Variants in TANC1 observed in about 807,000 individuals in gnomAD.
The protein encoded by TANC1 is tetratricopeptide repeat, ankyrin repeat and coiled-coil containing 1, also known as protein TANC1.
TANC1 carries 77 observed loss-of-function variants against 149.7 expected under a neutral mutation model. That is an observed-to-expected ratio of 0.51 (90% CI 0.43 to 0.62). The LOEUF (loss-of-function observed/expected upper bound fraction) is 0.62. Ranked by LOEUF, TANC1 falls within the 20% of genes least tolerant of loss-of-function variation. The pLI is 0.00. For missense variants in TANC1, 1,985 were observed against 2,321.8 expected (o/e 0.85, Z 2.98); for synonymous variants, 854 against 925.0 (o/e 0.92, Z 1.39).
In TANC1 at chr2:159,194,290, G is replaced by A. The variant is rs774995611; in HGVS notation, c.2776G>A (p.Val926Met). ...TCTCCTGATTTTGGGAGGGGCCAAC[G>A]TGAACTACAGGACAGAAGTGTTAAA... ...SRLLILGGAN[V>M]NYRTEVLNNA... Residue 926 changes from valine (V) to methionine (M), a missense_variant, in exon 17 of 27, where the codon GTG becomes ATG. Physicochemically the swap from Val to Met is conservative, Grantham distance 21. Transcript: ENST00000263635. 6.2e-6 allele frequency: 10 copies of A among 1,614,026 alleles called. No individual in the cohort carries two copies. The highest frequency in any genetic ancestry group is 6.8e-6 in the Non-Finnish European group (8 of 1,179,960).
rs1437737601 is a variant in TANC1 at position 159,170,817 on chromosome 2, TTTAA to T, written c.1351+16_1351+19del. 4 of 1,609,780 alleles carry T rather than the reference TTTAA, an allele frequency of 2.5e-6. No individual in the cohort carries two copies. The highest frequency in any genetic ancestry group is 3.4e-6 in the Non-Finnish European group (4 of 1,176,278). ...TTCATCACCTAAAAGTACGTGCATG[TTTAA>T]TTACTTGTCTAGTTTATTAACATAA... is the stretch of plus-strand genomic sequence containing the variant. On this transcript the variant is annotated intron_variant, in intron 10 of 26. Coordinates refer to ENST00000263635, the MANE Select transcript of TANC1 (RefSeq NM_033394.3).
intron 3 of TANC1, among the ~76,000 whole-genome samples, chr2:159,088,841 A>G (rs988225025): frequency 7.9e-5 from 12 of 152,200 alleles, no homozygotes; most frequent in African/African-American, 2.9e-4. Flanking sequence ...AAGGGTCTGG[A>G]GGCCAGGCCA....
intron 2 of TANC1, among the ~76,000 whole-genome samples, chr2:159,050,672 G>T (rs2041400127): frequency 6.6e-6 from 1 of 152,206 alleles, no homozygotes; most frequent in African/African-American, 2.4e-5. Context: ...CCCACCTGGT[G>T]GTTGTGAGGA....
intron 4 of TANC1, among the ~76,000 whole-genome samples, chr2:159,101,519 T>G (rs901210456): frequency 7.0e-5 from 8 of 114,516 alleles, no homozygotes; most frequent in African/African-American, 2.1e-4. Context: ...ATTTATTTGG[T>G]TTTTTTTTTC....
chr2:159,036,121 G>A (rs2040171089), intron 2 of TANC1, among the ~76,000 whole-genome samples: 1 of 152,144 alleles, frequency 6.6e-6, no homozygotes, highest in African/African-American at 2.4e-5. Context: ...TGAAGGACAT[G>A]CAGCAGCTGG....
intron 3 of TANC1, among the ~76,000 whole-genome samples, chr2:159,071,594 A>T (rs540620828): frequency 6.6e-6 from 1 of 152,294 alleles, no homozygotes; most frequent in South Asian, 2.1e-4. Context: ...TTTAAAAGCC[A>T]TTGATGTGAT....
intron 3 of TANC1, among the ~76,000 whole-genome samples, chr2:159,085,909 T>C (rs1335846408): frequency 1.3e-5 from 2 of 152,240 alleles, no homozygotes; most frequent in African/African-American, 4.8e-5. Context: ...GTACTCAATG[T>C]AAATCCTGTC....
intron 2 of TANC1, among the ~76,000 whole-genome samples, chr2:159,060,722 C>T (rs1020465130): frequency 1.3e-5 from 2 of 152,080 alleles, no homozygotes; most frequent in African/African-American, 4.8e-5. Flanking sequence ...CTCTCAGATT[C>T]GACTTGAAAT....
intron 22 of TANC1, among the ~76,000 whole-genome samples, chr2:159,223,087 G>T (rs2059802613): frequency 6.6e-6 from 1 of 152,090 alleles, no homozygotes; most frequent in Non-Finnish European, 1.5e-5. Flanking sequence ...TGTATTTTTA[G>T]TAGAGATGGG....
intron 2 of TANC1, chr2:159,027,171 C>T (rs2039417766): frequency 6.6e-6 from 1 of 152,156 alleles, no homozygotes; most frequent in Admixed American, 6.5e-5. Context: ...GGCCAGGCTG[C>T]AGAGTTTTGA....
intron 22 of TANC1, 88 bp downstream of exon 22, chr2:159,219,955 T>C (rs1248559881): frequency 6.2e-6 from 8 of 1,281,076 alleles, no homozygotes; most frequent in Non-Finnish European, 8.7e-6. Context: ...CTGCATGAGG[T>C]TGTGTCTCAG....
chr2:158,973,025 C>G (rs1027050270), intron 1 of TANC1, among the ~76,000 whole-genome samples: 1 of 152,114 alleles, frequency 6.6e-6, no homozygotes, highest in Non-Finnish European at 1.5e-5. Flanking sequence ...ACTTGCCCTT[C>G]TAGGGTCGGT....
At chr2:159,046,482 T>C (rs138970801) in intron 2 of TANC1, among the ~76,000 whole-genome samples, 119 of 152,228 alleles carry the variant, frequency 7.8e-4, no homozygotes, top group African/African-American at 2.7e-3. Flanking sequence ...CTGTTGTCAC[T>C]TGTTAGTCCT....
intron 4 of TANC1, among the ~76,000 whole-genome samples, chr2:159,125,101 C>T (rs1242423030): frequency 3.7e-4 from 57 of 152,240 alleles, no homozygotes; most frequent in Non-Finnish European, 1.5e-5. Flanking sequence ...GAAGTAAGAG[C>T]TAGAGATTTC....
intron 3 of TANC1, among the ~76,000 whole-genome samples, chr2:159,078,992 G>T (rs1051315854): frequency 3.3e-5 from 5 of 151,814 alleles, no homozygotes; most frequent in African/African-American, 9.7e-5. Flanking sequence ...TAAACCTATG[G>T]TATACCTGCT....
chr2:159,168,512 G>A (rs2054848151), intron 8 of TANC1, among the ~76,000 whole-genome samples: 3 of 151,850 alleles, frequency 2.0e-5, no homozygotes. Flanking sequence ...ATGTTGGCCA[G>A]GCTGGTCTTG....
intron 4 of TANC1, among the ~76,000 whole-genome samples, chr2:159,121,893 G>A (rs531725230): frequency 6.6e-6 from 1 of 152,214 alleles, no homozygotes; most frequent in East Asian, 1.9e-4. Context: ...CCCACTGAAG[G>A]TACACCCTGT....
intron 15 of TANC1, among the ~76,000 whole-genome samples, chr2:159,186,134 A>C (rs1421507544): frequency 6.6e-6 from 1 of 152,312 alleles, no homozygotes; most frequent in East Asian, 1.9e-4. Context: ...TGCTGTGCTT[A>C]AGTTTTACTT....
At chr2:159,003,994 A>C in intron 2 of TANC1, 1 of 1,612,442 alleles carries the variant, frequency 6.2e-7, no homozygotes, top group Non-Finnish European at 8.5e-7. Flanking sequence ...GCTGTGAATA[A>C]TATAGCTGGT....
Sources: allele counts gnomAD v4.1 joint callset (sites outside exome capture counted in the v4.1 genomes callset), GRCh38; gene constraint gnomAD v4.1.1; transcripts MANE v1.5; gene names NCBI Gene and HGNC (gene_info 2026-07-23, HGNC 2026-07-21).